The following EBF3 variants were observed in gnomAD, a reference collection of about 807,000 sequenced individuals.
The protein encoded by EBF3 is EBF transcription factor 3.
EBF3 carries 18 observed loss-of-function variants against 77.1 expected under a neutral mutation model. The observed-to-expected ratio is 0.23, with a 90% CI of 0.16 to 0.35. EBF3 has a LOEUF of 0.35. Among genes scored for constraint, EBF3 ranks in the 10% least tolerant of loss-of-function variants. EBF3 has a pLI of 1.00. For missense variants in EBF3, 558 were observed against 860.0 expected, an observed-to-expected ratio of 0.65 and a Z score of 4.39; for synonymous variants, 350 against 343.5, an observed-to-expected ratio of 1.02 and a Z score of -0.21.
intron 6 of EBF3, among the ~76,000 whole-genome samples, chr10:129,917,245 T>C (rs1025236182): frequency 2.0e-5 from 3 of 152,296 alleles, no homozygotes; most frequent in African/African-American, 4.8e-5. Flanking sequence ...GGCACACGCC[T>C]GTAGTCCCAG....
chr10:129,945,243 G>A (rs902446955), intron 6 of EBF3, among the ~76,000 whole-genome samples: 5 of 149,524 alleles, frequency 3.3e-5, no homozygotes, highest in African/African-American at 9.9e-5. Context: ...AGGGAGGGAG[G>A]GGGAGCAATG....
chr10:129,847,937 A>G (rs1266510802), intron 11 of EBF3, among the ~76,000 whole-genome samples: 1 of 152,244 alleles, frequency 6.6e-6, no homozygotes, highest in African/African-American at 2.4e-5. Context: ...TTTGTAAACA[A>G]AAGATTAAAC....
chr10:129,913,531 G>A (rs4751147), intron 6 of EBF3, among the ~76,000 whole-genome samples: 14,397 of 152,314 alleles, frequency 0.095, 1,171 homozygotes, highest in Admixed American at 0.26. Flanking sequence ...TCCGGGGAAC[G>A]GCCGGCAGAG....
At chr10:129,940,281 G>A (rs11017021) in intron 6 of EBF3, among the ~76,000 whole-genome samples, 616 of 152,184 alleles carry the variant, frequency 4.0e-3, no homozygotes, top group Non-Finnish European at 6.6e-3. Context: ...AAAACCCCAC[G>A]CATTTCAAGA....
chr10:129,895,590 TC>T (rs1854314832), intron 6 of EBF3, among the ~76,000 whole-genome samples: 1 of 152,182 alleles, frequency 6.6e-6, no homozygotes, highest in Admixed American at 6.5e-5. Context: ...GAATCCATAC[TC>T]TCAAAATTCG....
rs1851830737 is a variant in EBF3, at chr10:129,864,141, G to C, written c.1039+3000C>G. On this transcript the variant is annotated intron_variant, in intron 10 of 16. Transcript: ENST00000440978. The surrounding 1 kb of genome is among the most constrained non-coding windows in gnomAD (Gnocchi z 4.4). ...CTGGTCCCTTAGTAGGAGGATATGA[G>C]ACCTGGAGAGGATATCCCTGGCCAA... Among the ~76,000 whole-genome samples the C allele has an allele frequency of 6.6e-6, 1 of 152,160 alleles. No homozygotes were observed. Among genetic ancestry groups the C allele is most frequent in the South Asian group, 2.1e-4 (1 of 4,824 alleles).
intron 8 of EBF3, among the ~76,000 whole-genome samples, chr10:129,871,538 A>C (rs1266922428): frequency 6.6e-6 from 1 of 152,124 alleles, no homozygotes; most frequent in Non-Finnish European, 1.5e-5. Context: ...TCCTTAAAGG[A>C]TGTGGGACTG....
chr10:129,881,705 C>T (rs2134149929), intron 6 of EBF3, among the ~76,000 whole-genome samples: 1 of 152,326 alleles, frequency 6.6e-6, no homozygotes, highest in Non-Finnish European at 1.5e-5. Context: ...GTTCCCTCTA[C>T]TAACTCATGA....
chr10:129,905,323 G>GT (rs1027057041), intron 6 of EBF3, among the ~76,000 whole-genome samples: 1 of 152,090 alleles, frequency 6.6e-6, no homozygotes, highest in Non-Finnish European at 1.5e-5. Flanking sequence ...CAAACTTAGT[G>GT]AACAAGATAA....
intron 9 of EBF3, among the ~76,000 whole-genome samples, 186 bp from the exon 10 acceptor site, chr10:129,867,453 CCAGGTTTTAGTTTG>C (rs1564839652): frequency 6.6e-6 from 1 of 152,162 alleles, no homozygotes; most frequent in Non-Finnish European, 1.5e-5. Flanking sequence ...GCAAATGATC[CCAGGTTTTAGTTTG>C]CAGGAAAGGC....
chr10:129,956,546 C>T (rs561509574), intron 6 of EBF3, among the ~76,000 whole-genome samples: 122 of 152,258 alleles, frequency 8.0e-4, no homozygotes, highest in Admixed American at 1.6e-3. Flanking sequence ...GCCAAATGCA[C>T]ATTAGCACCA....
At chr10:129,873,333 C>T in intron 8 of EBF3, 119 bp downstream of exon 8, 1 of 1,223,232 alleles carries the variant, frequency 8.2e-7, no homozygotes, top group Non-Finnish European at 1.0e-6. Context: ...TGCCTTGGTG[C>T]AGGAGGTCTG....
At chr10:129,906,574 G>A (rs969852278) in intron 6 of EBF3, among the ~76,000 whole-genome samples, 1 of 152,156 alleles carries the variant, frequency 6.6e-6, no homozygotes, top group Non-Finnish European at 1.5e-5. Context: ...TGGGACCAGA[G>A]GACGCTTCTG....
rs570234613 is a variant in EBF3, at chr10:129,931,919, C to G, written c.554+25339G>C. On this transcript the variant is annotated intron_variant, in intron 6 of 16. Coordinates refer to ENST00000440978, the MANE Select transcript of EBF3 (RefSeq NM_001375380.1). ...TACCCAAATGTCTCCATACACACTCCTGGCCCAAGATGTGCAGATGTTTTC... is the reference window on the plus strand; with the variant it reads ...TACCCAAATGTCTCCATACACACTCGTGGCCCAAGATGTGCAGATGTTTTC... Among the ~76,000 whole-genome samples, 184 of 152,244 alleles carry G rather than the reference C, an allele frequency of 1.2e-3. 1 individual carries two copies. The highest frequency in any genetic ancestry group is 6.8e-3 in the Middle Eastern group (2 of 294).
chr10:129,886,502 G>A (rs1187723827), intron 6 of EBF3, among the ~76,000 whole-genome samples: 1 of 152,188 alleles, frequency 6.6e-6, no homozygotes, highest in Non-Finnish European at 1.5e-5. Context: ...GATGAGCCAG[G>A]AGCCATAAAT....
chr10:129,836,929 A>C lies in EBF3; in HGVS notation c.*1014T>G, dbSNP rs1335609144. The C allele has an allele frequency of 6.5e-6, 1 of 152,688 alleles. No homozygotes were observed. The highest frequency in any genetic ancestry group is 2.4e-5 in the African/African-American group (1 of 41,476). 9.5% of individuals were successfully genotyped at this position (152,688 alleles called of 1,614,324 possible). A position where few individuals can be genotyped will look rare whatever the true frequency, so the allele number is the denominator to read the frequency against. On this transcript the variant is annotated 3_prime_UTR_variant, in exon 17 of 17. Coordinates refer to ENST00000440978, the MANE Select transcript of EBF3 (RefSeq NM_001375380.1). ...GACCATTTTATTCCTTATAAGACAC[A>C]TAAGGAATAAAACTTGTTTTTCTAA... is the stretch of plus-strand genomic sequence containing the variant.
chr10:129,886,837 A>G (rs926585781), intron 6 of EBF3, among the ~76,000 whole-genome samples: 22 of 151,916 alleles, frequency 1.4e-4, no homozygotes, highest in Non-Finnish European at 4.4e-5. Context: ...TGTGATTCCA[A>G]TGTCTGTCCT....
At chr10:129,843,243 C>A (rs750266730) in intron 11 of EBF3, 41 bp from the exon 12 acceptor site, 1 of 1,581,662 alleles carries the variant, frequency 6.3e-7, no homozygotes, top group South Asian at 1.1e-5. Context: ...TGGGAGGAAC[C>A]GGCCAGTTAT....
chr10:129,953,630 T>C (rs576776835), intron 6 of EBF3, among the ~76,000 whole-genome samples: 1 of 152,294 alleles, frequency 6.6e-6, no homozygotes, highest in East Asian at 1.9e-4. Context: ...CCGAGCCCGC[T>C]CCCAGCGCTG....
Sources: allele counts gnomAD v4.1 joint callset (sites outside exome capture counted in the v4.1 genomes callset), GRCh38; gene constraint gnomAD v4.1.1; non-coding constraint Gnocchi (gnomAD v3.1); transcripts MANE v1.5; gene names NCBI Gene and HGNC (gene_info 2026-07-23, HGNC 2026-07-21).